The following CCSER1 variants were observed in gnomAD, a reference collection of about 807,000 sequenced individuals.
The protein encoded by CCSER1 is serine-rich coiled-coil domain-containing protein 1.
CCSER1 carries 41 observed loss-of-function variants against 82.0 expected under a neutral mutation model. The observed-to-expected ratio is 0.50, with a 90% CI of 0.39 to 0.65. The LOEUF is 0.65. Among genes scored for constraint, CCSER1 ranks in the 30% least tolerant of loss-of-function variants. CCSER1 has a pLI of 0.00. For missense variants in CCSER1, 1,119 were observed against 1,064.2 expected (o/e 1.05, Z -0.72); for synonymous variants, 414 against 383.9 (o/e 1.08, Z -0.92).
At chr4:91,149,942 G>A (rs1729978985) in intron 10 of CCSER1, among the ~76,000 whole-genome samples, 1 of 152,132 alleles carries the variant, frequency 6.6e-6, no homozygotes. Context: ...TTGTGGCTTA[G>A]GATTGTCTTG....
rs759787700 is a variant in CCSER1 at position 90,243,573 on chromosome 4, GT to G, written c.-41-64670del. On this transcript the variant is annotated intron_variant, in intron 1 of 10. Coordinates refer to ENST00000509176, the MANE Select transcript of CCSER1 (RefSeq NM_001145065.2). ...TGTTTTTATTTTTTATTTTGGGGAG[GT>G]GGGGGGTCTTGCTTTGTTGCCCAGG... 7.8e-3 allele frequency among the ~76,000 whole-genome samples: 1,103 copies of G among 141,304 alleles called. 13 individuals carry two copies. The highest frequency in any genetic ancestry group is 0.032 in the African/African-American group (1,061 of 33,566). 92.7% of individuals were successfully genotyped at this position (141,304 alleles called of 152,430 possible).
rs1038628986 is a variant in CCSER1, at chr4:91,159,028, G to A, written c.2217+73034G>A. 6.6e-5 allele frequency among the ~76,000 whole-genome samples: 10 copies of A among 151,704 alleles called. 1 individual carries two copies. Among genetic ancestry groups the A allele is most frequent in the Admixed American group, 3.9e-4 (6 of 15,238 alleles). Reference sequence around the variant, plus strand: ...ATTTAAGCTTTCTACAGTACAGCTCGGATCATATTTCTCCCCTCCTTAAGA... The same window carrying A: ...ATTTAAGCTTTCTACAGTACAGCTCAGATCATATTTCTCCCCTCCTTAAGA... On this transcript the variant is annotated intron_variant, in intron 10 of 10. Coordinates refer to ENST00000509176, the MANE Select transcript of CCSER1 (RefSeq NM_001145065.2).
intron 5 of CCSER1, among the ~76,000 whole-genome samples, chr4:90,555,624 A>G (rs1443026087): frequency 6.6e-6 from 1 of 152,102 alleles, no homozygotes; most frequent in African/African-American, 2.4e-5. Flanking sequence ...AAGGACACAC[A>G]GAATAACTGT....
At chr4:90,703,440 G>A (rs1738589498) in intron 6 of CCSER1, among the ~76,000 whole-genome samples, 1 of 152,298 alleles carries the variant, frequency 6.6e-6, no homozygotes, top group East Asian at 1.9e-4. Context: ...TGAGAATAAT[G>A]TATATTCTGT....
intron 5 of CCSER1, among the ~76,000 whole-genome samples, chr4:90,570,816 C>T (rs1402348447): frequency 6.6e-6 from 1 of 151,988 alleles, no homozygotes; most frequent in African/African-American, 2.4e-5. Flanking sequence ...CCTTAAATGC[C>T]ATCTACTGGA....
At chr4:90,238,863 T>C (rs771720774) in intron 1 of CCSER1, among the ~76,000 whole-genome samples, 19 of 152,160 alleles carry the variant, frequency 1.2e-4, no homozygotes, top group Non-Finnish European at 2.4e-4. Flanking sequence ...TAATTTTTTT[T>C]TTTTTGAGAC....
chr4:90,219,505 T>G (rs544871114), intron 1 of CCSER1, among the ~76,000 whole-genome samples: 12 of 152,300 alleles, frequency 7.9e-5, no homozygotes, highest in South Asian at 6.2e-4. Context: ...TTATTATATA[T>G]ATGTTGTCGC....
chr4:90,131,324 A>G (rs984386702), intron 1 of CCSER1, among the ~76,000 whole-genome samples: 2 of 152,230 alleles, frequency 1.3e-5, no homozygotes, highest in Non-Finnish European at 1.5e-5. Flanking sequence ...AATAGACAAT[A>G]TGTACTTGTA....
In CCSER1 at chr4:90,500,276, C is replaced by A. The variant is rs139879731; in HGVS notation, c.1724+31922C>A. Among the ~76,000 whole-genome samples the A allele has an allele frequency of 1.9e-4, 29 of 151,838 alleles. No individual in the cohort carries two copies. In the East Asian group the frequency reaches 3.3e-3, roughly 17 times the overall value. On this transcript the variant is annotated intron_variant, in intron 5 of 10. Coordinates refer to ENST00000509176, the MANE Select transcript of CCSER1 (RefSeq NM_001145065.2). ...ACCCACAGTGTTCTAAAATGGGCAT[C>A]TATATGTGATTTTTATAATCAGGAA...
chr4:91,506,545 A>G (rs1255071265), intron 10 of CCSER1, among the ~76,000 whole-genome samples: 1 of 151,840 alleles, frequency 6.6e-6, no homozygotes, highest in African/African-American at 2.4e-5. Flanking sequence ...CATTTTTATG[A>G]TGTTGATTCT....
chr4:91,253,422 C>G (rs1251784367), intron 10 of CCSER1, among the ~76,000 whole-genome samples: 1 of 152,020 alleles, frequency 6.6e-6, no homozygotes, highest in Non-Finnish European at 1.5e-5. Flanking sequence ...TGCAGATTTT[C>G]AACTGTGTGG....
At chr4:90,853,706 A>G (rs763926352) in intron 8 of CCSER1, among the ~76,000 whole-genome samples, 1 of 152,190 alleles carries the variant, frequency 6.6e-6, no homozygotes, top group Non-Finnish European at 1.5e-5. Context: ...AAGTCTATAT[A>G]CACTTTGGAA....
rs1744412043 is a variant in CCSER1 at position 90,356,589 on chromosome 4, A to G, written c.1510-43447A>G. On this transcript the variant is annotated intron_variant, in intron 3 of 10. Transcript: ENST00000509176. ...CTACAAAATCAGGATAATAATCCCTACCTCATAGATATGAAGTGAGAATTA... is the reference window on the plus strand; with the variant it reads ...CTACAAAATCAGGATAATAATCCCTGCCTCATAGATATGAAGTGAGAATTA... Among the ~76,000 whole-genome samples, 3 of 151,732 alleles carry G rather than the reference A, an allele frequency of 2.0e-5. No homozygotes were observed. In the South Asian group the frequency reaches 6.2e-4, roughly 32 times the overall value.
chr4:90,246,989 G>T (rs1199827185), intron 1 of CCSER1, among the ~76,000 whole-genome samples: 1 of 151,940 alleles, frequency 6.6e-6, no homozygotes, highest in Non-Finnish European at 1.5e-5. Context: ...TAAAAAAAAG[G>T]TTCTTTGAAC....
At chr4:90,305,113 T>G (rs1734013104) in intron 1 of CCSER1, among the ~76,000 whole-genome samples, 1 of 152,164 alleles carries the variant, frequency 6.6e-6, no homozygotes, top group African/African-American at 2.4e-5. Context: ...AGACGGGGTT[T>G]CACCGTGTTA....
intron 10 of CCSER1, among the ~76,000 whole-genome samples, chr4:91,468,261 C>A (rs975915429): frequency 3.9e-5 from 6 of 152,064 alleles, no homozygotes; most frequent in African/African-American, 1.2e-4. Flanking sequence ...GACAAAAAAA[C>A]CAAACACTGC....
chr4:91,061,666 A>G (rs2148737625), intron 9 of CCSER1, among the ~76,000 whole-genome samples: 1 of 152,132 alleles, frequency 6.6e-6, no homozygotes, highest in Non-Finnish European at 1.5e-5. Context: ...ATGTTGATGG[A>G]GGTGTGTCAC....
At chr4:90,435,787 A>C (rs760623578) in intron 4 of CCSER1, among the ~76,000 whole-genome samples, 14 of 152,102 alleles carry the variant, frequency 9.2e-5, no homozygotes, top group Non-Finnish European at 1.5e-4. Context: ...AATGAGTATT[A>C]AGGTTTATTC....
At chr4:90,158,887 T>A (rs1417278011) in intron 1 of CCSER1, among the ~76,000 whole-genome samples, 5 of 152,142 alleles carry the variant, frequency 3.3e-5, no homozygotes, top group African/African-American at 9.7e-5. Flanking sequence ...GCACCCACTG[T>A]CCTGCGCCCA....
Sources: allele counts gnomAD v4.1 joint callset (sites outside exome capture counted in the v4.1 genomes callset), GRCh38; gene constraint gnomAD v4.1.1; transcripts MANE v1.5; gene names NCBI Gene and HGNC (gene_info 2026-07-23, HGNC 2026-07-21).